GNAQ: variants seen among roughly 807,000 people sequenced by gnomAD.
The protein encoded by GNAQ is guanine nucleotide-binding protein G(q) subunit alpha.
In GNAQ, 8 loss-of-function variants were observed where a neutral mutation model predicts 43.9. The ratio of observed to expected loss-of-function variants is 0.18; its 90% CI spans 0.11 to 0.33. The LOEUF (loss-of-function observed/expected upper bound fraction) is 0.33. GNAQ is among the 10% of genes least tolerant of loss of function. GNAQ has a pLI of 1.00. For missense variants in GNAQ, 158 were observed against 450.8 expected (o/e 0.35, Z 5.88); for synonymous variants, 155 against 170.7 (o/e 0.91, Z 0.71).
At chr9:78,005,145 G>A (rs890262327) in intron 1 of GNAQ, among the ~76,000 whole-genome samples, 7 of 152,006 alleles carry the variant, frequency 4.6e-5, no homozygotes, top group Non-Finnish European at 8.8e-5. Context: ...CTCACCTCAC[G>A]GGCTCAAGCG....
chr9:78,009,329 C>T (rs770804237), intron 1 of GNAQ, among the ~76,000 whole-genome samples: 1 of 152,200 alleles, frequency 6.6e-6, no homozygotes. Context: ...CCACCACCAC[C>T]ACAGCTGTGA....
chr9:77,727,465 T>C (rs1213304940), intron 6 of GNAQ, among the ~76,000 whole-genome samples: 2 of 152,162 alleles, frequency 1.3e-5, no homozygotes, highest in African/African-American at 4.8e-5. Flanking sequence ...CACAGTCTAG[T>C]TGGGGAGGGT....
intron 1 of GNAQ, among the ~76,000 whole-genome samples, chr9:78,002,185 A>C (rs1823652489): frequency 6.6e-6 from 1 of 152,072 alleles, no homozygotes; most frequent in Admixed American, 6.6e-5. Context: ...AGGAAGACAT[A>C]TTTCCTCCCC....
chr9:78,016,401 T>C (rs1245189507), intron 1 of GNAQ, among the ~76,000 whole-genome samples: 1 of 152,122 alleles, frequency 6.6e-6, no homozygotes, highest in East Asian at 1.9e-4. Flanking sequence ...AATATATAAA[T>C]TAGGCCAGGC....
chr9:77,755,988 G>C (rs1825897585), intron 5 of GNAQ, among the ~76,000 whole-genome samples: 1 of 152,164 alleles, frequency 6.6e-6, no homozygotes, highest in South Asian at 2.1e-4. Context: ...GGGTGACTGA[G>C]GCACAATCTA....
intron 1 of GNAQ, among the ~76,000 whole-genome samples, chr9:77,963,043 C>G (rs560634443): frequency 6.6e-6 from 1 of 152,072 alleles, no homozygotes; most frequent in Admixed American, 6.6e-5. Flanking sequence ...TAAGAAGATA[C>G]TGGTTTGAAA....
intron 3 of GNAQ, 105 bp from the exon 4 acceptor site, chr9:77,797,753 A>G (rs1187276141): frequency 2.1e-6 from 2 of 975,190 alleles, no homozygotes; most frequent in Admixed American, 4.8e-5. Flanking sequence ...AGTAAAGAAG[A>G]GAAAGAAAAA....
intron 1 of GNAQ, among the ~76,000 whole-genome samples, chr9:77,946,819 A>C (rs749453112): frequency 3.3e-5 from 5 of 152,202 alleles, no homozygotes; most frequent in Non-Finnish European, 7.3e-5. Flanking sequence ...GAGCAAGTTG[A>C]GGGACCTGTC....
intron 2 of GNAQ, among the ~76,000 whole-genome samples, chr9:77,920,985 T>C (rs1828987501): frequency 1.3e-5 from 2 of 152,210 alleles, no homozygotes; most frequent in African/African-American, 4.8e-5. Flanking sequence ...CCACTGGACA[T>C]TGCAACTTCT....
intron 5 of GNAQ, among the ~76,000 whole-genome samples, chr9:77,751,815 C>A (rs1018317283): frequency 5.3e-4 from 80 of 150,066 alleles, no homozygotes; most frequent in Admixed American, 1.7e-3. Flanking sequence ...AACAAACAAA[C>A]AAAAAAAACA....
At chr9:77,799,787 G>A (rs1343910252) in intron 3 of GNAQ, among the ~76,000 whole-genome samples, 2 of 152,140 alleles carry the variant, frequency 1.3e-5, no homozygotes, top group South Asian at 2.1e-4. Flanking sequence ...CAATTAATTA[G>A]TATTCCAGGG....
chr9:77,982,554 C>T (rs913423641), intron 1 of GNAQ, among the ~76,000 whole-genome samples: 6 of 152,000 alleles, frequency 3.9e-5, no homozygotes, highest in African/African-American at 1.4e-4. Flanking sequence ...ATGATACAAA[C>T]AAACATTAGC....
intron 2 of GNAQ, among the ~76,000 whole-genome samples, chr9:77,860,982 G>A (rs1019114307): frequency 5.9e-5 from 9 of 152,078 alleles, no homozygotes; most frequent in African/African-American, 1.9e-4. Flanking sequence ...AAGAATACCC[G>A]AGGCTGGATG....
chr9:77,976,542 G>A (rs1029098674), intron 1 of GNAQ, among the ~76,000 whole-genome samples: 3 of 152,072 alleles, frequency 2.0e-5, no homozygotes, highest in African/African-American at 4.8e-5. Flanking sequence ...ACAGGCACGC[G>A]CTGCCACGCT....
chr9:77,804,875 G>A (rs535332829), intron 3 of GNAQ, among the ~76,000 whole-genome samples: 2 of 152,138 alleles, frequency 1.3e-5, no homozygotes, highest in East Asian at 3.9e-4. Flanking sequence ...AAACGAGGTC[G>A]ACTTCATTTA....
At chr9:77,900,136 G>C (rs1354239215) in intron 2 of GNAQ, among the ~76,000 whole-genome samples, 1 of 152,122 alleles carries the variant, frequency 6.6e-6, no homozygotes, top group Non-Finnish European at 1.5e-5. Context: ...GAGTCTTTGA[G>C]ATATCTAAGA....
At chr9:77,900,815 T>A (rs2118154516) in intron 2 of GNAQ, among the ~76,000 whole-genome samples, 1 of 152,320 alleles carries the variant, frequency 6.6e-6, no homozygotes, top group Non-Finnish European at 1.5e-5. Flanking sequence ...GCACTGTCTG[T>A]TAAAAGCCGC....
chr9:77,809,501 C>T (rs138873360), intron 3 of GNAQ, among the ~76,000 whole-genome samples: 109 of 152,308 alleles, frequency 7.2e-4, no homozygotes, highest in Middle Eastern at 3.4e-3. Context: ...CTACAACCAT[C>T]TGTTTTTTGT....
chr9:77,980,319 C>T (rs570483448), intron 1 of GNAQ, among the ~76,000 whole-genome samples: 12 of 152,210 alleles, frequency 7.9e-5, no homozygotes, highest in African/African-American at 2.9e-4. Context: ...AAGTGTCTCT[C>T]GAATTAGCCA....
Sources: allele counts gnomAD v4.1 joint callset (sites outside exome capture counted in the v4.1 genomes callset), GRCh38; gene constraint gnomAD v4.1.1; transcripts MANE v1.5; gene names NCBI Gene and HGNC (gene_info 2026-07-23, HGNC 2026-07-21).